The following ARGFX variants were observed in gnomAD, a reference collection of about 807,000 sequenced individuals.
ARGFX encodes arginine-fifty homeobox.
ARGFX carries 10 observed loss-of-function variants against 8.0 expected under a neutral mutation model. That is an observed-to-expected ratio of 1.25 (90% CI 0.77 to 2.12). ARGFX has a LOEUF of 2.12. ARGFX is among the 30% of genes most tolerant of loss of function. The pLI is 0.00. For synonymous variants in ARGFX, 116 were observed against 117.8 expected (o/e 0.98, Z 0.10); for missense variants, 282 against 324.3 (o/e 0.87, Z 1.00).
At chr3:121,572,127 C>T (rs1017779453) in intron 2 of ARGFX, among the ~76,000 whole-genome samples, 20 of 152,020 alleles carry the variant, frequency 1.3e-4, no homozygotes, top group Non-Finnish European at 2.5e-4. Flanking sequence ...CCACCACACC[C>T]GGCTGACTCC....
chr3:121,570,392 T>C (rs1486184433), intron 1 of ARGFX, among the ~76,000 whole-genome samples: 1 of 152,236 alleles, frequency 6.6e-6, no homozygotes, highest in Non-Finnish European at 1.5e-5. Context: ...TGTGGTCATT[T>C]GATCTCTATC....
At chr3:121,577,915 A>G (rs2108836654) in intron 3 of ARGFX, among the ~76,000 whole-genome samples, 1 of 151,730 alleles carries the variant, frequency 6.6e-6, no homozygotes, top group Admixed American at 6.6e-5. Flanking sequence ...CCTTTTGAGT[A>G]GCTGGGATTA....
chr3:121,576,639 C>T (rs2048737477), intron 2 of ARGFX, 145 bp from the exon 3 acceptor site: 1 of 300,474 alleles, frequency 3.3e-6, no homozygotes, highest in African/African-American at 2.3e-5. Context: ...GCCTGACCTT[C>T]CAAACTCAAA....
chr3:121,584,893 C>A (rs779800991), intron 3 of ARGFX, 24 bp from the exon 4 acceptor site: 1 of 1,593,292 alleles, frequency 6.3e-7, no homozygotes, highest in South Asian at 1.1e-5. Flanking sequence ...ATGTAACCAC[C>A]CCTTCTTTAT....
chr3:121,578,928 T>G (rs1439428750), intron 3 of ARGFX, among the ~76,000 whole-genome samples: 1 of 151,936 alleles, frequency 6.6e-6, no homozygotes, highest in Non-Finnish European at 1.5e-5. Flanking sequence ...CCACCTGCCT[T>G]GGCCTCCCAA....
intron 2 of ARGFX, among the ~76,000 whole-genome samples, chr3:121,573,783 G>A (rs2048721603): frequency 6.9e-6 from 1 of 144,590 alleles, no homozygotes; most frequent in South Asian, 2.2e-4. Flanking sequence ...AGGAGGCAGA[G>A]GTTGCAGTGA....
intron 1 of ARGFX, among the ~76,000 whole-genome samples, 31 bp downstream of exon 1, chr3:121,568,044 G>C (rs1474437998): frequency 6.6e-6 from 1 of 152,136 alleles, no homozygotes; most frequent in Non-Finnish European, 1.5e-5. Context: ...AGGGTAGCCA[G>C]AATGTGGGGC....
chr3:121,580,602 A>G (rs1382535392), intron 3 of ARGFX, among the ~76,000 whole-genome samples: 4 of 87,718 alleles, frequency 4.6e-5, no homozygotes, highest in South Asian at 7.5e-4. Flanking sequence ...GTGTATATAT[A>G]TATATTTTTT....
chr3:121,572,133 A>T (rs1406677105), intron 2 of ARGFX, among the ~76,000 whole-genome samples: 2 of 146,410 alleles, frequency 1.4e-5, no homozygotes, highest in East Asian at 4.0e-4. Flanking sequence ...CACCCGGCTG[A>T]CTCCTGACCT....
chr3:121,576,026 A>G (rs1185572404), intron 2 of ARGFX, among the ~76,000 whole-genome samples: 1 of 152,172 alleles, frequency 6.6e-6, no homozygotes, highest in African/African-American at 2.4e-5. Flanking sequence ...ACTCAATAAA[A>G]TAAAGCTATT....
At chr3:121,577,251 A>AT (rs1181781413) in intron 3 of ARGFX, among the ~76,000 whole-genome samples, 5 of 53,144 alleles carry the variant, frequency 9.4e-5, no homozygotes, top group South Asian at 1.0e-3. Flanking sequence ...ATATATATAT[A>AT]TATATATATT....
At chr3:121,573,066 G>A (rs745514859) in intron 2 of ARGFX, among the ~76,000 whole-genome samples, 8 of 152,218 alleles carry the variant, frequency 5.3e-5, no homozygotes, top group Non-Finnish European at 1.0e-4. Flanking sequence ...AAAGCTTTAT[G>A]ACATTTGATT....
chr3:121,578,005 C>CA (rs1233979510), intron 3 of ARGFX, among the ~76,000 whole-genome samples: 1 of 151,626 alleles, frequency 6.6e-6, no homozygotes, highest in African/African-American at 2.4e-5. Flanking sequence ...AGGCTGGTCT[C>CA]AAACTTCTGA....
chr3:121,578,623 G>C (rs185649674), intron 3 of ARGFX, among the ~76,000 whole-genome samples: 56 of 151,220 alleles, frequency 3.7e-4, no homozygotes, highest in Admixed American at 3.2e-3. Context: ...GAGGTGAAGA[G>C]TTTGGGTAAT....
intron 3 of ARGFX, among the ~76,000 whole-genome samples, chr3:121,577,252 TATATA>T (rs1239685158): frequency 1.7e-4 from 9 of 53,994 alleles, no homozygotes; most frequent in African/African-American, 4.3e-4. Context: ...TATATATATA[TATATA>T]TATTTTTTTT....
intron 2 of ARGFX, among the ~76,000 whole-genome samples, chr3:121,573,405 T>A (rs1170881645): frequency 6.6e-6 from 1 of 151,192 alleles, no homozygotes; most frequent in East Asian, 1.9e-4. Context: ...CGCTTGAACT[T>A]GGGAGACAGA....
At chr3:121,575,533 A>G (rs1277124938) in intron 2 of ARGFX, among the ~76,000 whole-genome samples, 2 of 152,114 alleles carry the variant, frequency 1.3e-5, no homozygotes, top group East Asian at 3.9e-4. Context: ...GAGAGAGGGC[A>G]GGCATGAGAG....
rs550926826 is a variant in ARGFX, at chr3:121,586,842, C to T, written c.*242C>T. On this transcript the variant is annotated 3_prime_UTR_variant, in exon 5 of 5. Transcript: ENST00000334384. Reference sequence around the variant, plus strand: ...CAATGAGACTCCAAAATTCCCTTCCCAAAACTATCTTGGATTTTCTAAAAG... The same window carrying T: ...CAATGAGACTCCAAAATTCCCTTCCTAAAACTATCTTGGATTTTCTAAAAG... Among the ~76,000 whole-genome samples, 1 of 152,142 alleles carries T rather than the reference C, an allele frequency of 6.6e-6. No homozygotes were observed. The highest frequency in any genetic ancestry group is 2.4e-5 in the African/African-American group (1 of 41,436).
intron 2 of ARGFX, among the ~76,000 whole-genome samples, chr3:121,575,919 T>TAA (rs5852271): frequency 3.4e-4 from 51 of 149,146 alleles, no homozygotes; most frequent in Middle Eastern, 6.8e-3. Flanking sequence ...TCTCAAACAT[T>TAA]AAAAAAAAAG....
Sources: gnomAD v4.1 joint callset for allele counts (sites outside exome capture counted in the v4.1 genomes callset) on GRCh38, gnomAD v4.1.1 for gene constraint, MANE v1.5 for transcripts, NCBI Gene and HGNC (gene_info 2026-07-23, HGNC 2026-07-21) for gene names.